ABCB10: variants seen among roughly 807,000 people sequenced by gnomAD.
ABCB10 encodes the protein ATP binding cassette subfamily B member 10, also known as ATP-binding cassette sub-family B member 10, mitochondrial.
ABCB10 carries 54 observed loss-of-function variants against 65.4 expected under a neutral mutation model. That is an observed-to-expected ratio of 0.83 (90% CI 0.66 to 1.04). ABCB10 has a LOEUF of 1.04. Ranked by LOEUF, ABCB10 falls within the 50% of genes least tolerant of loss-of-function variation. ABCB10 has a pLI of 0.00. For missense variants in ABCB10, 846 were observed against 976.6 expected, an observed-to-expected ratio of 0.87 and a Z score of 1.78; for synonymous variants, 418 against 406.5, an observed-to-expected ratio of 1.03 and a Z score of -0.34.
At chr1:229,552,612 T>G (rs528663684) in intron 1 of ABCB10, among the ~76,000 whole-genome samples, 5 of 152,320 alleles carry the variant, frequency 3.3e-5, no homozygotes, top group African/African-American at 9.6e-5. Flanking sequence ...TGGAGGAAGC[T>G]GTACACTGTG....
Position 229,533,211 on chromosome 1 carries a change from C to T in ABCB10, c.1340-1480G>A, listed in dbSNP as rs111571637. Among the ~76,000 whole-genome samples the T allele has an allele frequency of 5.4e-3, 815 of 152,162 alleles. 5 individuals are homozygous for T. Among genetic ancestry groups the T allele is most frequent in the African/African-American group, 0.018 (767 of 41,496 alleles). ...GTAGTATCTATCACTGAACCTCTGCCTCCCAGGTTCAAGCAATTCTCCCTG... is the reference window on the plus strand; with the variant it reads ...GTAGTATCTATCACTGAACCTCTGCTTCCCAGGTTCAAGCAATTCTCCCTG... On this transcript the variant is annotated intron_variant, in intron 6 of 12. Transcript: ENST00000344517.
chr1:229,518,117 G>T lies in ABCB10; in HGVS notation c.*62C>A. On this transcript the variant is annotated 3_prime_UTR_variant, in exon 13 of 13. Coordinates refer to ENST00000344517, the MANE Select transcript of ABCB10 (RefSeq NM_012089.3). ...GGTTTATGTATTTCATAGTCTCTGAGTTTTTTTTCTGCAACACTGTTTTGC... is the reference window on the plus strand; with the variant it reads ...GGTTTATGTATTTCATAGTCTCTGATTTTTTTTTCTGCAACACTGTTTTGC... 2 of 1,259,106 alleles carry T rather than the reference G, an allele frequency of 1.6e-6. No individual in the cohort carries two copies. Among genetic ancestry groups the T allele is most frequent in the Non-Finnish European group, 2.3e-6 (2 of 877,160 alleles). 78.0% of individuals were successfully genotyped at this position (1,259,106 alleles called of 1,614,324 possible).
At chr1:229,526,153 A>G (rs756386808) in intron 9 of ABCB10, 37 bp from the exon 10 acceptor site, 3 of 1,585,516 alleles carry the variant, frequency 1.9e-6, no homozygotes, top group Non-Finnish European at 2.6e-6. Flanking sequence ...CGAATTTCAA[A>G]CAGACTTAAA....
At chr1:229,539,343 A>C (rs1662788658) in intron 6 of ABCB10, 113 bp downstream of exon 6, 1 of 1,452,004 alleles carries the variant, frequency 6.9e-7, no homozygotes, top group Admixed American at 1.8e-5. Flanking sequence ...ACATTCTAGG[A>C]AATGCTTTTT....
intron 11 of ABCB10, among the ~76,000 whole-genome samples, chr1:229,520,361 T>C (rs1350279229): frequency 6.6e-6 from 1 of 151,140 alleles, no homozygotes; most frequent in African/African-American, 2.4e-5. Context: ...TCCCAGCTAC[T>C]TGGGAGGCTG....
intron 1 of ABCB10, among the ~76,000 whole-genome samples, chr1:229,555,194 C>T (rs892270233): frequency 6.6e-6 from 1 of 152,190 alleles, no homozygotes; most frequent in Non-Finnish European, 1.5e-5. Flanking sequence ...ACTGTAGGGG[C>T]CCACATTTGC....
chr1:229,543,147 A>C (rs1662892445), intron 3 of ABCB10, among the ~76,000 whole-genome samples: 1 of 151,886 alleles, frequency 6.6e-6, no homozygotes. Context: ...AAAAAAAAAA[A>C]AAACAGCACA....
intron 1 of ABCB10, among the ~76,000 whole-genome samples, chr1:229,550,918 A>C (rs1663095158): frequency 6.6e-6 from 1 of 152,050 alleles, no homozygotes; most frequent in African/African-American, 2.4e-5. Flanking sequence ...CATATCACAG[A>C]TAACTGCATT....
chr1:229,519,929 C>T (rs940568148), intron 11 of ABCB10, among the ~76,000 whole-genome samples: 1 of 152,084 alleles, frequency 6.6e-6, no homozygotes, highest in Non-Finnish European at 1.5e-5. Flanking sequence ...AGTTCAAGAC[C>T]AGCCTGGGCA....
chr1:229,550,320 G>C (rs1023435539), intron 1 of ABCB10, among the ~76,000 whole-genome samples: 2 of 151,920 alleles, frequency 1.3e-5, no homozygotes, highest in Admixed American at 6.6e-5. Context: ...GAGCCCAGGA[G>C]ATCCAGACCA....
Position 229,531,713 on chromosome 1 carries a change from G to T in ABCB10, c.1358C>A (p.Ser453Ter). Residue 453 changes from serine (S) to a stop codon, truncating the protein, a stop_gained, in exon 7 of 13, where the codon TCG becomes TAG. Coordinates refer to ENST00000344517, the MANE Select transcript of ABCB10 (RefSeq NM_012089.3). LOFTEE classifies it high-confidence loss of function. ...ISIGGLSSFY[S>*]ELMKGLGAGG... ...TGCACCCAGTCCTTTCATCAGCTCCGAGTAGAAAGAGCTCAGACCTGAGGA... is the reference window on the plus strand; with the variant it reads ...TGCACCCAGTCCTTTCATCAGCTCCTAGTAGAAAGAGCTCAGACCTGAGGA... The T allele has an allele frequency of 1.9e-6, 3 of 1,613,850 alleles. No homozygotes were observed. The highest frequency in any genetic ancestry group is 1.1e-5 in the South Asian group (1 of 91,064).
In ABCB10 at chr1:229,557,524, C is replaced by T. The variant is rs945713512; in HGVS notation, c.517+612G>A. On this transcript the variant is annotated intron_variant, in intron 1 of 12. Transcript: ENST00000344517. The stretch of plus-strand genomic sequence containing the variant: ...AAAATGAGGAGCTATAGAAAACTGT[C>T]CTATTTAAATTTTGTTTCTAAAAAC... Among the ~76,000 whole-genome samples, 68 of 152,120 alleles carry T rather than the reference C, an allele frequency of 4.5e-4. 2 individuals carry two copies.
intron 6 of ABCB10, among the ~76,000 whole-genome samples, chr1:229,534,676 C>T (rs1235972086): frequency 6.6e-6 from 1 of 151,764 alleles, no homozygotes; most frequent in Admixed American, 6.6e-5. Flanking sequence ...CAAGATCAGC[C>T]TGGCCAACAT....
chr1:229,550,971 G>T (rs1387362210), intron 1 of ABCB10, among the ~76,000 whole-genome samples: 3 of 152,160 alleles, frequency 2.0e-5, no homozygotes, highest in African/African-American at 7.2e-5. Flanking sequence ...AGTGATGGGG[G>T]TCTCACTATG....
At chr1:229,519,775 T>G (rs1011940271) in intron 11 of ABCB10, among the ~76,000 whole-genome samples, 1 of 151,056 alleles carries the variant, frequency 6.6e-6, no homozygotes, top group Non-Finnish European at 1.5e-5. Context: ...GGCGACAGAG[T>G]GAGACTCTGT....
intron 11 of ABCB10, among the ~76,000 whole-genome samples, chr1:229,520,500 T>A (rs1164144781): frequency 7.3e-6 from 1 of 136,642 alleles, no homozygotes. Flanking sequence ...AAAGAAAAGC[T>A]AACACATGAG....
At chr1:229,537,241 T>C (rs1269787469) in intron 6 of ABCB10, among the ~76,000 whole-genome samples, 3 of 152,370 alleles carry the variant, frequency 2.0e-5, no homozygotes, top group Non-Finnish European at 2.9e-5. Context: ...CACAGCATTA[T>C]GAATGTACTA....
intron 1 of ABCB10, among the ~76,000 whole-genome samples, chr1:229,554,915 C>T (rs1663209939): frequency 1.3e-5 from 2 of 152,208 alleles, no homozygotes; most frequent in African/African-American, 4.8e-5. Flanking sequence ...GGCCCATCTT[C>T]ATAAAATGCA....
chr1:229,540,102 T>C (rs189950261), intron 5 of ABCB10, among the ~76,000 whole-genome samples: 3 of 152,354 alleles, frequency 2.0e-5, no homozygotes, highest in Admixed American at 2.0e-4. Flanking sequence ...TGAAGTTCTT[T>C]TCAGTTTACA....
Sources: allele counts gnomAD v4.1 joint callset (sites outside exome capture counted in the v4.1 genomes callset), GRCh38; gene constraint gnomAD v4.1.1; transcripts MANE v1.5; gene names NCBI Gene and HGNC (gene_info 2026-07-23, HGNC 2026-07-21).